KIRREL3: variants seen among roughly 807,000 people sequenced by gnomAD.
KIRREL3 encodes the protein kirre like nephrin family adhesion molecule 3.
In KIRREL3, 36 loss-of-function variants were observed where a neutral mutation model predicts 89.7. The ratio of observed to expected loss-of-function variants is 0.40; its 90% CI spans 0.31 to 0.53. The LOEUF is 0.53. Ranked by LOEUF, KIRREL3 falls within the 20% of genes least tolerant of loss-of-function variation. The pLI is 0.49. For missense variants in KIRREL3, 864 were observed against 1,056.6 expected (o/e 0.82, Z 2.53); for synonymous variants, 445 against 441.4 (o/e 1.01, Z -0.10).
intron 1 of KIRREL3, among the ~76,000 whole-genome samples, chr11:126,869,744 G>A (rs776742304): frequency 6.6e-6 from 1 of 152,050 alleles, no homozygotes; most frequent in African/African-American, 2.4e-5. Flanking sequence ...GGAAAACAGG[G>A]GCCTTGCCAC....
At chr11:126,688,351 T>A (rs1448374687) in intron 1 of KIRREL3, among the ~76,000 whole-genome samples, 1 of 152,196 alleles carries the variant, frequency 6.6e-6, no homozygotes, top group African/African-American at 2.4e-5. Context: ...TCTGTGGACA[T>A]GTTTGGGTGG....
Position 126,940,856 on chromosome 11 carries a change from A to G in KIRREL3, c.55+59599T>C, listed in dbSNP as rs1388087035. On this transcript the variant is annotated intron_variant, in intron 1 of 16. Transcript: ENST00000525144. The surrounding 1 kb of genome is among the most constrained non-coding windows in gnomAD (Gnocchi z 4.6). ...CAGTATCGCATGAGCCAAGACTGTC[A>G]TGAAACTATTTGGATACTGTACTCT... The G allele has an allele frequency of 6.6e-6, 1 of 151,402 alleles. No homozygotes were observed. Among genetic ancestry groups the G allele is most frequent in the Non-Finnish European group, 1.5e-5 (1 of 67,886 alleles). 9.4% of individuals were successfully genotyped at this position (151,402 alleles called of 1,614,324 possible).
At chr11:126,603,646 C>T (rs756375923) in intron 1 of KIRREL3, among the ~76,000 whole-genome samples, 3 of 152,246 alleles carry the variant, frequency 2.0e-5, no homozygotes, top group Non-Finnish European at 4.4e-5. Flanking sequence ...GCCTCAGTGC[C>T]CAGCGCTGCT....
At chr11:126,774,508 T>C (rs546238170) in intron 1 of KIRREL3, among the ~76,000 whole-genome samples, 6 of 152,330 alleles carry the variant, frequency 3.9e-5, no homozygotes, top group Admixed American at 3.3e-4. Context: ...CTGGGCTACC[T>C]GGACCCAGGA....
chr11:126,889,431 C>T (rs576049953), intron 1 of KIRREL3, among the ~76,000 whole-genome samples: 12 of 152,226 alleles, frequency 7.9e-5, no homozygotes, highest in Non-Finnish European at 1.6e-4. Context: ...AGGAATATCC[C>T]ATTGTGTGGA....
intron 1 of KIRREL3, among the ~76,000 whole-genome samples, chr11:126,961,564 G>C (rs572644487): frequency 1.3e-5 from 2 of 152,316 alleles, no homozygotes; most frequent in Admixed American, 1.3e-4. Flanking sequence ...AGCACAGGTT[G>C]GCTCATGAGG....
rs1227397107 is a variant in KIRREL3 at position 126,446,893 on chromosome 11, T to C, written c.998-7A>G. On this transcript the variant is annotated splice_region_variant and splice_polypyrimidine_tract_variant and intron_variant, in intron 8 of 16. Coordinates refer to ENST00000525144, the MANE Select transcript of KIRREL3 (RefSeq NM_032531.4). Reference sequence around the variant, plus strand: ...GTGGTCATCCGGGGCCCAACTGCGATGTGAGGAAGAAGAAGACAGGTTCAG... The same window carrying C: ...GTGGTCATCCGGGGCCCAACTGCGACGTGAGGAAGAAGAAGACAGGTTCAG... 4 of 1,604,776 alleles carry C rather than the reference T, an allele frequency of 2.5e-6. No homozygotes were observed. Among genetic ancestry groups the C allele is most frequent in the Non-Finnish European group, 3.4e-6 (4 of 1,175,826 alleles).
At chr11:126,919,889 TAA>T (rs1452926851) in intron 1 of KIRREL3, among the ~76,000 whole-genome samples, 1 of 152,140 alleles carries the variant, frequency 6.6e-6, no homozygotes, top group Non-Finnish European at 1.5e-5. Flanking sequence ...ACTACAGTAT[TAA>T]GAGTAACAAT....
chr11:126,854,877 AT>A (rs1944459262), intron 1 of KIRREL3, among the ~76,000 whole-genome samples: 1 of 152,164 alleles, frequency 6.6e-6, no homozygotes, highest in Non-Finnish European at 1.5e-5. Flanking sequence ...CTCTGCAGTC[AT>A]TTCAATCTCT....
chr11:126,860,126 G>A lies in KIRREL3; in HGVS notation c.55+140329C>T, dbSNP rs1944658022. Among the ~76,000 whole-genome samples the A allele has an allele frequency of 6.6e-6, 1 of 152,158 alleles. No individual in the cohort carries two copies. ...GAAGGGAGTAAGGAGGATAAGGAGA[G>A]AAAGAGGGAGGATGATATTGGAATT... On this transcript the variant is annotated intron_variant, in intron 1 of 16. Transcript: ENST00000525144. This position sits in a 1 kb window ranked among gnomAD's most constrained non-coding sequence, Gnocchi z 4.6.
At chr11:126,979,574 C>T (rs888081953) in intron 1 of KIRREL3, among the ~76,000 whole-genome samples, 4 of 152,150 alleles carry the variant, frequency 2.6e-5, no homozygotes, top group African/African-American at 9.7e-5. Flanking sequence ...GTGAAGGACA[C>T]CAGAGGCGGA....
At chr11:126,714,946 C>T (rs1249583824) in intron 1 of KIRREL3, among the ~76,000 whole-genome samples, 1 of 152,182 alleles carries the variant, frequency 6.6e-6, no homozygotes, top group African/African-American at 2.4e-5. Context: ...AACTTTCCTC[C>T]TGCTTCCCCA....
At chr11:126,478,108 C>T (rs1216785999) in intron 4 of KIRREL3, among the ~76,000 whole-genome samples, 2 of 152,246 alleles carry the variant, frequency 1.3e-5, no homozygotes, top group Non-Finnish European at 1.5e-5. Flanking sequence ...AGACCCTGGC[C>T]CCACTGCGTC....
chr11:126,863,395 G>GTGTGGT (rs879772494), intron 1 of KIRREL3, among the ~76,000 whole-genome samples: 1 of 88,902 alleles, frequency 1.1e-5, no homozygotes. Context: ...GAGTGCGTGT[G>GTGTGGT]TGAGTGCGTG....
rs7928765 is a variant in KIRREL3, at chr11:126,912,889, G to A, written c.55+87566C>T. ...TCATAATTACCAATGACGCTTTATC[G>A]TGATGACAGAGGAGGGCATGCAGAG... On this transcript the variant is annotated intron_variant, in intron 1 of 16. Transcript: ENST00000525144. The surrounding 1 kb of genome is among the most constrained non-coding windows in gnomAD (Gnocchi z 4.7). Among the ~76,000 whole-genome samples, 2 of 152,188 alleles carry A rather than the reference G, an allele frequency of 1.3e-5. No homozygotes were observed. The highest frequency in any genetic ancestry group is 1.9e-4 in the East Asian group (1 of 5,198).
intron 1 of KIRREL3, among the ~76,000 whole-genome samples, chr11:126,820,365 G>A (rs1447274147): frequency 6.6e-6 from 1 of 152,062 alleles, no homozygotes; most frequent in African/African-American, 2.4e-5. Context: ...ACCTTTTCCT[G>A]CAGGAAAAGA....
intron 1 of KIRREL3, among the ~76,000 whole-genome samples, chr11:126,661,275 G>T (rs890365411): frequency 1.3e-5 from 2 of 152,122 alleles, no homozygotes; most frequent in African/African-American, 4.8e-5. Flanking sequence ...TGTAAGTATT[G>T]TTTGGTTGTG....
rs145249034 is a variant in KIRREL3, at chr11:126,831,408, T to C, written c.55+169047A>G. ...TCTCTTTCTCTCTCTTAAGTCAGTC[T>C]CTCTGTCTCTCTCTATCTCTCTCTC... On this transcript the variant is annotated intron_variant, in intron 1 of 16. Transcript: ENST00000525144. Among the ~76,000 whole-genome samples, 72 of 118,428 alleles carry C rather than the reference T, an allele frequency of 6.1e-4. 1 individual carries two copies. The highest frequency in any genetic ancestry group is 1.4e-3 in the South Asian group (4 of 2,772). The allele number at this position is 118,428 out of a possible 152,430, so 77.7% of individuals were successfully genotyped here.
intron 4 of KIRREL3, among the ~76,000 whole-genome samples, chr11:126,517,034 C>T (rs1047583350): frequency 6.6e-6 from 1 of 152,020 alleles, no homozygotes; most frequent in Non-Finnish European, 1.5e-5. Context: ...TGCCTCTGCT[C>T]TCCAGCCTGG....
Sources: allele counts gnomAD v4.1 joint callset (sites outside exome capture counted in the v4.1 genomes callset), GRCh38; gene constraint gnomAD v4.1.1; non-coding constraint Gnocchi (gnomAD v3.1); transcripts MANE v1.5; gene names NCBI Gene and HGNC (gene_info 2026-07-23, HGNC 2026-07-21).